The following LMX1A variants were observed in gnomAD, a reference collection of about 807,000 sequenced individuals.
LMX1A encodes LIM homeobox transcription factor 1 alpha.
A neutral mutation model predicts 49.1 loss-of-function variants in LMX1A; 15 were observed. The observed-to-expected ratio is 0.31, with a 90% confidence interval of 0.20 to 0.47. LMX1A has a LOEUF of 0.47. LMX1A is among the 20% of genes least tolerant of loss of function. The pLI is 1.00. For missense variants in LMX1A, 372 were observed against 475.8 expected (o/e 0.78, Z 2.03); for synonymous variants, 167 against 185.7 (o/e 0.90, Z 0.82).
chr1:165,326,434 C>G (rs944438839), intron 3 of LMX1A, among the ~76,000 whole-genome samples: 37 of 152,174 alleles, frequency 2.4e-4, no homozygotes, highest in African/African-American at 8.9e-4. Context: ...GCTTTCTTTC[C>G]CTTTGGAGGA....
chr1:165,255,232 A>T (rs921986058), intron 3 of LMX1A, among the ~76,000 whole-genome samples: 2 of 152,244 alleles, frequency 1.3e-5, no homozygotes, highest in Non-Finnish European at 2.9e-5. Flanking sequence ...AGCTTAGGCT[A>T]AAGGTCACAG....
In LMX1A at chr1:165,353,250, C is replaced by A. The variant is rs767091330; in HGVS notation, c.89G>T (p.Ser30Ile). The A allele has an allele frequency of 5.0e-6, 8 of 1,611,266 alleles. 1 individual carries two copies. In the South Asian group the frequency reaches 8.8e-5, roughly 18 times the overall value. ...ACAGCCCTCGCAGACAGACTTGGGG[C>A]TCACCGCTCTGCCTGTAGCCACAAC... ...SFSSLLGRAV[S>I]PKSVCEGCQR... The change falls in exon 3 of 9, where the codon AGC becomes ATC. Residue 30 changes from serine to isoleucine, a missense_variant. By Grantham distance (142) the Ser-to-Ile change is moderately radical. Around this residue, in one of 3 missense-constraint regions of LMX1A, gnomAD observed 199 missense variants for 244.0 expected, o/e 0.82. Transcript: ENST00000342310.
At chr1:165,322,695 G>A (rs1325040997) in intron 3 of LMX1A, among the ~76,000 whole-genome samples, 2 of 152,050 alleles carry the variant, frequency 1.3e-5, no homozygotes, top group African/African-American at 4.8e-5. Context: ...CTGCTTAATG[G>A]GCACAGAGTT....
chr1:165,265,389 G>A (rs1571189284), intron 3 of LMX1A, among the ~76,000 whole-genome samples: 2 of 152,140 alleles, frequency 1.3e-5, no homozygotes, highest in African/African-American at 4.8e-5. Flanking sequence ...CTATCATTCA[G>A]TGACTGGCAG....
chr1:165,257,260 C>T (rs77951014), intron 3 of LMX1A, among the ~76,000 whole-genome samples: 7,677 of 151,976 alleles, frequency 0.051, 602 homozygotes, highest in African/African-American at 0.17. Flanking sequence ...CTCATGGGTC[C>T]TGTTTTGTAT....
At chr1:165,339,079 TGCCCAG>T (rs778285770) in intron 3 of LMX1A, among the ~76,000 whole-genome samples, 38 of 152,216 alleles carry the variant, frequency 2.5e-4, no homozygotes, top group African/African-American at 1.7e-4. Flanking sequence ...TTAAATGATT[TGCCCAG>T]GCCCAGCCAG....
rs577084862 is a variant in LMX1A, at chr1:165,346,971, A to G, written c.263+6105T>C. Among the ~76,000 whole-genome samples, 18 of 152,324 alleles carry G rather than the reference A, an allele frequency of 1.2e-4. 1 individual carries two copies. The South Asian group carries it at 3.7e-3, about 32-fold the overall frequency. ...TGGGGGGTGTTTGCTTCATTTTAGC[A>G]AGACAGTTGGCCAGATTTTATTTAA... On this transcript the variant is annotated intron_variant, in intron 3 of 8. Coordinates refer to ENST00000342310, the MANE Select transcript of LMX1A (RefSeq NM_177398.4).
Position 165,286,437 on chromosome 1 carries a change from C to T in LMX1A, c.264-36797G>A, listed in dbSNP as rs148357138. On this transcript the variant is annotated intron_variant, in intron 3 of 8. Transcript: ENST00000342310. ...TATATCAGCCTAAATTACTCCAATT[C>T]TGACAATACCTGGACAACAAAAGAC... Among the ~76,000 whole-genome samples the T allele has an allele frequency of 4.3e-3, 648 of 152,250 alleles. 9 individuals carry two copies. The highest frequency in any genetic ancestry group is 0.015 in the African/African-American group (620 of 41,538).
At chr1:165,253,230 C>A (rs191085594) in intron 3 of LMX1A, among the ~76,000 whole-genome samples, 1 of 152,168 alleles carries the variant, frequency 6.6e-6, no homozygotes, top group Admixed American at 6.5e-5. Context: ...AGGGATTTAC[C>A]TTTAGGAAAC....
In LMX1A at chr1:165,202,488, T is replaced by C. The variant is rs1025168323; in HGVS notation, c.*1392A>G. The C allele has an allele frequency of 6.6e-6, 1 of 152,142 alleles. No homozygotes were observed. The highest frequency in any genetic ancestry group is 2.4e-5 in the African/African-American group (1 of 41,416). 9.4% of individuals were successfully genotyped at this position (152,142 alleles called of 1,614,324 possible). A position where few individuals can be genotyped will look rare whatever the true frequency, so the allele number is the denominator to read the frequency against. The stretch of plus-strand genomic sequence containing the variant: ...TCTAAAACAAGGGGCCCCAAACTTT[T>C]TCTGTAAGGGCCAGACAATACAGAT... On this transcript the variant is annotated 3_prime_UTR_variant, in exon 9 of 9. Transcript: ENST00000342310.
chr1:165,349,618 CT>C (rs60205117), intron 3 of LMX1A, among the ~76,000 whole-genome samples: 89 of 151,344 alleles, frequency 5.9e-4, no homozygotes, highest in African/African-American at 1.7e-3. Flanking sequence ...ACCTTAAATG[CT>C]TTTTTTTTGG....
At chr1:165,219,502 C>G (rs1344697688) in intron 4 of LMX1A, among the ~76,000 whole-genome samples, 1 of 152,152 alleles carries the variant, frequency 6.6e-6, no homozygotes, top group African/African-American at 2.4e-5. Context: ...ATATAGGAAG[C>G]TATTTCAGTC....
chr1:165,315,837 C>A (rs780507260), intron 3 of LMX1A, among the ~76,000 whole-genome samples: 3 of 152,246 alleles, frequency 2.0e-5, no homozygotes, highest in Non-Finnish European at 2.9e-5. Context: ...AGTTGATCCT[C>A]ACCAGGGTTC....
intron 3 of LMX1A, among the ~76,000 whole-genome samples, chr1:165,335,057 T>A (rs1655859395): frequency 6.6e-6 from 1 of 152,228 alleles, no homozygotes; most frequent in Non-Finnish European, 1.5e-5. Flanking sequence ...TGTGTTCAAA[T>A]TTGAAAGAAA....
At chr1:165,240,335 T>C (rs1652605416) in intron 4 of LMX1A, among the ~76,000 whole-genome samples, 1 of 151,908 alleles carries the variant, frequency 6.6e-6, no homozygotes, top group East Asian at 1.9e-4. Flanking sequence ...TTTTTCTTTT[T>C]AAAGTGGCTT....
At chr1:165,219,619 G>A (rs1651766010) in intron 4 of LMX1A, among the ~76,000 whole-genome samples, 2 of 152,186 alleles carry the variant, frequency 1.3e-5, no homozygotes, top group African/African-American at 4.8e-5. Flanking sequence ...GAGGCAAAAA[G>A]TGCAGTTCTC....
chr1:165,325,434 T>C (rs543337739), intron 3 of LMX1A, among the ~76,000 whole-genome samples: 438 of 49,110 alleles, frequency 8.9e-3, no homozygotes, highest in African/African-American at 0.023. Context: ...TTTAAAAATA[T>C]ATATGTATAT....
At chr1:165,217,629 G>A (rs931329489) in intron 4 of LMX1A, among the ~76,000 whole-genome samples, 3 of 152,198 alleles carry the variant, frequency 2.0e-5, no homozygotes, top group Non-Finnish European at 2.9e-5. Context: ...AGCTGGTCCT[G>A]CCTAACCTGG....
chr1:165,227,046 G>T (rs1652061382), intron 4 of LMX1A, among the ~76,000 whole-genome samples: 2 of 152,102 alleles, frequency 1.3e-5, no homozygotes, highest in South Asian at 2.1e-4. Context: ...ACAACGGAGG[G>T]GCATCTAATG....
Sources: allele counts gnomAD v4.1 joint callset (sites outside exome capture counted in the v4.1 genomes callset), GRCh38; gene constraint gnomAD v4.1.1; regional missense constraint gnomAD v4.1.1; transcripts MANE v1.5; gene names NCBI Gene and HGNC (gene_info 2026-07-23, HGNC 2026-07-21).